HTT: variants seen among roughly 807,000 people sequenced by gnomAD.
HTT encodes the protein huntingtin, also known as huntington disease protein.
HTT carries 104 observed loss-of-function variants against 362.3 expected under a neutral mutation model. That is an observed-to-expected ratio of 0.29 (90% CI 0.24 to 0.34). HTT has a LOEUF of 0.34. Among genes scored for constraint, HTT ranks in the 10% least tolerant of loss-of-function variants. The pLI, the probability that HTT is intolerant of heterozygous loss-of-function variation, is 1.00. For synonymous variants in HTT, 1,577 were observed against 1,548.7 expected (o/e 1.02, Z -0.43); for missense variants, 3,301 against 3,928.6 (o/e 0.84, Z 4.27).
chr4:3,234,213 A>G (rs1399648750), intron 61 of HTT, among the ~76,000 whole-genome samples: 1 of 152,244 alleles, frequency 6.6e-6, no homozygotes, highest in Non-Finnish European at 1.5e-5. Flanking sequence ...GCCAGGGCAC[A>G]TGCCGGTGGC....
At chr4:3,124,158 G>T (rs1249948485) in intron 10 of HTT, among the ~76,000 whole-genome samples, 4 of 152,176 alleles carry the variant, frequency 2.6e-5, no homozygotes, top group Non-Finnish European at 5.9e-5. Flanking sequence ...GAAGCCAAAA[G>T]GATTCTAGGA....
intron 26 of HTT, among the ~76,000 whole-genome samples, chr4:3,151,327 A>G (rs1024281253): frequency 6.6e-6 from 1 of 152,090 alleles, no homozygotes; most frequent in Non-Finnish European, 1.5e-5. Context: ...ACATCTTCAC[A>G]TGGCCCACAG....
At chr4:3,187,113 C>A (rs1473650036) in intron 38 of HTT, among the ~76,000 whole-genome samples, 2 of 151,480 alleles carry the variant, frequency 1.3e-5, no homozygotes, top group African/African-American at 2.4e-5. Flanking sequence ...CCCATCTCAG[C>A]CTCCCAAAGT....
At chr4:3,091,230 G>C (rs753648328) in intron 2 of HTT, among the ~76,000 whole-genome samples, 2 of 152,224 alleles carry the variant, frequency 1.3e-5, no homozygotes, top group Non-Finnish European at 2.9e-5. Context: ...AAGAGTGTAT[G>C]TGTGTATCTG....
At chr4:3,199,017 C>G (rs1488558489) in intron 40 of HTT, among the ~76,000 whole-genome samples, 1 of 152,206 alleles carries the variant, frequency 6.6e-6, no homozygotes, top group African/African-American at 2.4e-5. Flanking sequence ...TTGGCAGGTG[C>G]CGAGTGCTGT....
chr4:3,168,700 A>T (rs927939607), intron 29 of HTT, among the ~76,000 whole-genome samples: 5 of 152,092 alleles, frequency 3.3e-5, no homozygotes, highest in African/African-American at 1.2e-4. Flanking sequence ...GCAAACCGGG[A>T]AACTGTCTCT....
chr4:3,190,841 TA>T (rs1718980689), intron 40 of HTT, among the ~76,000 whole-genome samples: 1 of 152,214 alleles, frequency 6.6e-6, no homozygotes. Flanking sequence ...TTGCTTTAAA[TA>T]AATGACTAAA....
intron 41 of HTT, among the ~76,000 whole-genome samples, chr4:3,202,012 G>T (rs1719599931): frequency 6.6e-6 from 1 of 152,158 alleles, no homozygotes. Context: ...GGCGACACTG[G>T]GTGCTCTGCT....
At chr4:3,103,758 CT>C (rs1436928175) in intron 3 of HTT, 65 bp from the exon 4 acceptor site, 12 of 998,172 alleles carry the variant, frequency 1.2e-5, no homozygotes, top group Admixed American at 2.1e-5. Flanking sequence ...TCTTAGTTTC[CT>C]TTTAGCTCGT....
In HTT at chr4:3,074,875, T is replaced by TG; in HGVS notation, c.50_51insG (p.Phe17LeufsTer66). On this transcript the variant is annotated frameshift_variant, in exon 1 of 67. Coordinates refer to ENST00000355072, the MANE Select transcript of HTT (RefSeq NM_001388492.1). LOFTEE classifies it high-confidence loss of function. ...AAGGCCTTCGAGTCCCTCAAGTCCT[T>TG]CCAGCAGCAGCAGCAGCAGCAGCAG... 12 of 1,287,824 alleles carry TG rather than the reference T, an allele frequency of 9.3e-6. No homozygotes were observed. The highest frequency in any genetic ancestry group is 1.2e-5 in the Non-Finnish European group (12 of 962,594). The allele number at this position is 1,287,824 out of a possible 1,614,324, so 79.8% of individuals were successfully genotyped here.
At chr4:3,108,358 G>T (rs777588750) in intron 6 of HTT, among the ~76,000 whole-genome samples, 4 of 152,238 alleles carry the variant, frequency 2.6e-5, no homozygotes, top group Non-Finnish European at 5.9e-5. Flanking sequence ...GAAGGGAGAT[G>T]ATGAATCTAA....
intron 2 of HTT, among the ~76,000 whole-genome samples, chr4:3,093,689 A>G (rs376928300): frequency 6.6e-6 from 1 of 152,116 alleles, no homozygotes; most frequent in Non-Finnish European, 1.5e-5. Flanking sequence ...GATTTTACAC[A>G]CAGAGAGAAG....
Position 3,218,064 on chromosome 4 carries a change from C to G in HTT, c.7242+112C>G, listed in dbSNP as rs961907719. ...AGAATCCCCGCAGCCCAGAGGCTGC[C>G]TGCTGTGGTTCTGGTGCCCACTGTG... On this transcript the variant is annotated intron_variant, in intron 52 of 66. Coordinates refer to ENST00000355072, the MANE Select transcript of HTT (RefSeq NM_001388492.1). The surrounding 1 kb of genome is among the most constrained non-coding windows in gnomAD (Gnocchi z 4.4). 8.6e-6 allele frequency: 8 copies of G among 925,706 alleles called. No homozygotes were observed. The highest frequency in any genetic ancestry group is 2.9e-5 in the Admixed American group (1 of 34,440). The allele number at this position is 925,706 out of a possible 1,614,324, so 57.3% of individuals were successfully genotyped here.
chr4:3,109,006 A>G (rs538292535), intron 6 of HTT, among the ~76,000 whole-genome samples: 5 of 151,930 alleles, frequency 3.3e-5, no homozygotes, highest in African/African-American at 9.6e-5. Context: ...CTGAGCTGTG[A>G]TTGTGCCACC....
chr4:3,152,483 A>G (rs1353858241), intron 26 of HTT, among the ~76,000 whole-genome samples: 2 of 152,210 alleles, frequency 1.3e-5, no homozygotes, highest in African/African-American at 4.8e-5. Context: ...ACAGAGTTGT[A>G]CAGCCATCAC....
intron 2 of HTT, among the ~76,000 whole-genome samples, chr4:3,088,062 C>T (rs892271454): frequency 5.3e-5 from 8 of 152,180 alleles, no homozygotes; most frequent in African/African-American, 1.9e-4. Context: ...ATCTCGAACT[C>T]CCAACCTTAG....
chr4:3,122,777 A>C, intron 9 of HTT, 112 bp from the exon 10 acceptor site: 1 of 786,882 alleles, frequency 1.3e-6, no homozygotes. Flanking sequence ...CTGTGGAAAA[A>C]CGTTCACATT....
intron 2 of HTT, among the ~76,000 whole-genome samples, chr4:3,098,948 T>G (rs1316124340): frequency 2.0e-5 from 3 of 152,222 alleles, no homozygotes; most frequent in Non-Finnish European, 4.4e-5. Flanking sequence ...AAGTACAATC[T>G]CTTCTTTTTT....
Position 3,175,050 on chromosome 4 carries a change from T to G in HTT, c.4350T>G (p.Asp1450Glu), listed in dbSNP as rs943349735. 6.2e-7 allele frequency: 1 copy of G among 1,614,192 alleles called. No homozygotes were observed. Among genetic ancestry groups the G allele is most frequent in the South Asian group, 1.1e-5 (1 of 91,080 alleles). ...TCVQLQKQVL[D>E]LLAQLVQLRV... ...TGCAGTTACAGAAGCAGGTTTTAGA[T>G]TTGCTGGCGCAGCTGGTTCAGTTAC... The change falls in exon 33 of 67, where the codon GAT becomes GAG. Residue 1450 changes from aspartate (D) to glutamate (E), a missense_variant. Around this residue, in one of 4 missense-constraint regions of HTT, gnomAD observed 2,316 missense variants for 2,658.5 expected, o/e 0.87. Coordinates refer to ENST00000355072, the MANE Select transcript of HTT (RefSeq NM_001388492.1).
Sources: gnomAD v4.1 joint callset for allele counts (sites outside exome capture counted in the v4.1 genomes callset) on GRCh38, gnomAD v4.1.1 for gene constraint, gnomAD v4.1.1 regional missense constraint, Gnocchi (gnomAD v3.1) non-coding constraint, MANE v1.5 for transcripts, NCBI Gene and HGNC (gene_info 2026-07-23, HGNC 2026-07-21) for gene names.